COL21A1: variants seen among roughly 807,000 people sequenced by gnomAD.
The protein encoded by COL21A1 is collagen type XXI alpha 1 chain, also known as collagen alpha-1(XXI) chain.
A neutral mutation model predicts 137.9 loss-of-function variants in COL21A1; 149 were observed. That is an observed-to-expected ratio of 1.08 (90% CI 0.95 to 1.24). The LOEUF (loss-of-function observed/expected upper bound fraction) is 1.24, where lower values mean the gene tolerates loss of function less well. Among genes scored for constraint, COL21A1 ranks in the 50% most tolerant of loss-of-function variants. The pLI is 0.00. For synonymous variants in COL21A1, 456 were observed against 391.5 expected, an observed-to-expected ratio of 1.16 and a Z score of -1.95; for missense variants, 1,167 against 1,158.4, an observed-to-expected ratio of 1.01 and a Z score of -0.11.
intron 1 of COL21A1, among the ~76,000 whole-genome samples, chr6:56,232,560 T>C (rs768325475): frequency 6.4e-4 from 97 of 151,914 alleles, no homozygotes; most frequent in Non-Finnish European, 2.1e-4. Flanking sequence ...GTTGGCTACG[T>C]TCTGTTATAA....
At chr6:56,368,039 A>C (rs1766141665) in intron 1 of COL21A1, among the ~76,000 whole-genome samples, 1 of 152,338 alleles carries the variant, frequency 6.6e-6, no homozygotes, top group East Asian at 1.9e-4. Context: ...GGTATATCAT[A>C]AACACCCAAA....
chr6:56,297,271 T>C (rs1258093087), intron 1 of COL21A1, among the ~76,000 whole-genome samples: 1 of 152,128 alleles, frequency 6.6e-6, no homozygotes, highest in Admixed American at 6.6e-5. Flanking sequence ...CTATATTCCC[T>C]GTCCTTTGAA....
At chr6:56,279,616 G>A (rs1465743094) in intron 1 of COL21A1, among the ~76,000 whole-genome samples, 2 of 152,170 alleles carry the variant, frequency 1.3e-5, no homozygotes, top group African/African-American at 4.8e-5. Flanking sequence ...ATACTTAAGG[G>A]TGACTCAGAA....
chr6:56,278,209 G>T (rs1047636828), intron 1 of COL21A1, among the ~76,000 whole-genome samples: 2 of 152,146 alleles, frequency 1.3e-5, no homozygotes, highest in African/African-American at 4.8e-5. Flanking sequence ...ACACCCTGGA[G>T]CATTAGACCC....
At chr6:56,204,276 A>C (rs566892400) in intron 1 of COL21A1, among the ~76,000 whole-genome samples, 16 of 151,908 alleles carry the variant, frequency 1.1e-4, no homozygotes, top group Non-Finnish European at 2.2e-4. Flanking sequence ...GAGATGCTTG[A>C]GCTTGGTATG....
At chr6:56,078,973 ATCAC>A (rs1399673289) in intron 17 of COL21A1, among the ~76,000 whole-genome samples, 2 of 151,712 alleles carry the variant, frequency 1.3e-5, no homozygotes, top group Non-Finnish European at 3.0e-5. Context: ...TAAAAGTAAA[ATCAC>A]TGAGTTATGA....
chr6:56,216,190 A>T (rs1321781248), intron 1 of COL21A1, among the ~76,000 whole-genome samples: 9 of 152,110 alleles, frequency 5.9e-5, no homozygotes, highest in Non-Finnish European at 1.3e-4. Context: ...TGGACAGAAC[A>T]CATGTGGAAC....
At chr6:56,303,662 T>G (rs1474493056) in intron 1 of COL21A1, among the ~76,000 whole-genome samples, 2 of 152,176 alleles carry the variant, frequency 1.3e-5, no homozygotes, top group Non-Finnish European at 2.9e-5. Context: ...AGATATACAA[T>G]CATGTCATCT....
intron 1 of COL21A1, among the ~76,000 whole-genome samples, chr6:56,303,045 C>A (rs12208048): frequency 0.84 from 128,068 of 151,802 alleles, 55,992 homozygotes; most frequent in South Asian, 0.97. Context: ...GTTGTAGATA[C>A]GTGGCATTAT....
chr6:56,071,888 G>A (rs1167629477), intron 20 of COL21A1, among the ~76,000 whole-genome samples: 1 of 151,510 alleles, frequency 6.6e-6, no homozygotes, highest in Non-Finnish European at 1.5e-5. Flanking sequence ...GTGCCACGGT[G>A]GTTTGCTGCA....
chr6:56,353,457 G>A (rs937451196), intron 1 of COL21A1, among the ~76,000 whole-genome samples: 4 of 152,066 alleles, frequency 2.6e-5, no homozygotes, highest in Admixed American at 2.0e-4. Flanking sequence ...CTTCTGTGAG[G>A]TCAGAAGCCT....
At chr6:56,124,496 G>A (rs1351785457) in intron 14 of COL21A1, among the ~76,000 whole-genome samples, 1 of 152,150 alleles carries the variant, frequency 6.6e-6, no homozygotes, top group African/African-American at 2.4e-5. Context: ...GATAGATGCA[G>A]AATTATCATT....
intron 16 of COL21A1, among the ~76,000 whole-genome samples, chr6:56,102,357 TAACA>T (rs958802187): frequency 5.9e-5 from 9 of 152,290 alleles, no homozygotes; most frequent in African/African-American, 2.2e-4. Context: ...TTTTGAAATC[TAACA>T]GTCATTATGA....
At chr6:56,347,660 C>A (rs1312867452) in intron 1 of COL21A1, among the ~76,000 whole-genome samples, 2 of 152,030 alleles carry the variant, frequency 1.3e-5, no homozygotes, top group African/African-American at 4.8e-5. Context: ...CAACCAGGGT[C>A]AGAACCCACT....
chr6:56,118,570 C>T (rs1772147495), intron 16 of COL21A1, among the ~76,000 whole-genome samples: 1 of 152,072 alleles, frequency 6.6e-6, no homozygotes, highest in Admixed American at 6.5e-5. Context: ...TACTTCCAAA[C>T]TCTTTCTATG....
chr6:56,326,409 A>T (rs1765091241), intron 1 of COL21A1, among the ~76,000 whole-genome samples: 1 of 151,866 alleles, frequency 6.6e-6, no homozygotes, highest in African/African-American at 2.4e-5. Flanking sequence ...AAGCAAAAGG[A>T]TAATAATGAT....
At chr6:56,256,617 A>G (rs1414598763) in intron 1 of COL21A1, among the ~76,000 whole-genome samples, 2 of 152,186 alleles carry the variant, frequency 1.3e-5, no homozygotes, top group Non-Finnish European at 2.9e-5. Context: ...TATAGTTCAC[A>G]TTAAAGAGGG....
chr6:56,223,042 CA>C (rs3065976), intron 1 of COL21A1, among the ~76,000 whole-genome samples: 13,419 of 149,254 alleles, frequency 0.09, 729 homozygotes, highest in Middle Eastern at 0.16. Flanking sequence ...CTATTCAGAA[CA>C]AAAAAAAAAA....
intron 3 of COL21A1, among the ~76,000 whole-genome samples, chr6:56,179,232 A>G (rs1211323769): frequency 6.6e-6 from 1 of 152,068 alleles, no homozygotes; most frequent in Non-Finnish European, 1.5e-5. Context: ...GGGTGATATG[A>G]TTATGTGTGA....
Sources: allele counts gnomAD v4.1 joint callset (sites outside exome capture counted in the v4.1 genomes callset), GRCh38; gene constraint gnomAD v4.1.1; transcripts MANE v1.5; gene names NCBI Gene and HGNC (gene_info 2026-07-23, HGNC 2026-07-21).